GDF1: variants seen among roughly 807,000 people sequenced by gnomAD.
GDF1 encodes the protein embryonic growth/differentiation factor 1.
A neutral mutation model predicts 7.4 loss-of-function variants in GDF1; 8 were observed. The observed-to-expected ratio is 1.09, with a 90% CI of 0.64 to 1.96. GDF1 has a LOEUF of 1.96. GDF1 is among the 30% of genes most tolerant of loss of function. The probability of loss-of-function intolerance (pLI) is 0.00; values close to 1 mark genes in which losing one functional copy is unlikely to be tolerated. For missense variants in GDF1, 574 were observed against 551.5 expected (o/e 1.04, Z -0.41); for synonymous variants, 311 against 276.7 (o/e 1.12, Z -1.23).
chr19:18,893,422 A>G lies in GDF1; in HGVS notation c.-920T>C. 1.9e-6 allele frequency: 3 copies of G among 1,603,576 alleles called. No individual in the cohort carries two copies. The highest frequency in any genetic ancestry group is 2.6e-6 in the Non-Finnish European group (3 of 1,175,540). On this transcript the variant is annotated 5_prime_UTR_variant, in exon 2 of 8. Transcript: ENST00000247005. ...ATCCCCTCAGGGCCCCTACCGTAGAAGACAGATGGTGGGTCATGGAAGAAG... is the reference window on the plus strand; with the variant it reads ...ATCCCCTCAGGGCCCCTACCGTAGAGGACAGATGGTGGGTCATGGAAGAAG...
At chr19:18,873,152 T>C (rs919762771) in intron 6 of GDF1, among the ~76,000 whole-genome samples, 2 of 152,236 alleles carry the variant, frequency 1.3e-5, no homozygotes, top group Non-Finnish European at 2.9e-5. Flanking sequence ...TCAACACCGA[T>C]AGACTAGTGT....
At chr19:18,892,974 T>G (rs543994236) in intron 2 of GDF1, among the ~76,000 whole-genome samples, 8 of 152,072 alleles carry the variant, frequency 5.3e-5, no homozygotes, top group Non-Finnish European at 8.8e-5. Context: ...TGGAGTGCAG[T>G]GGCGCGAACT....
chr19:18,885,566 C>T (rs1311123658), intron 2 of GDF1, among the ~76,000 whole-genome samples: 6 of 144,992 alleles, frequency 4.1e-5, no homozygotes, highest in African/African-American at 1.3e-4. Context: ...GTAGCCCAGG[C>T]TGGAGTGCAG....
chr19:18,879,255 G>C lies in GDF1; in HGVS notation c.-437C>G. The C allele has an allele frequency of 6.2e-7, 1 of 1,613,664 alleles. No homozygotes were observed. The highest frequency in any genetic ancestry group is 8.5e-7 in the Non-Finnish European group (1 of 1,179,788). On this transcript the variant is annotated 5_prime_UTR_variant, in exon 5 of 8. Transcript: ENST00000247005. ...GGCCGACTCACCAGGAACCAGTAGA[G>C]GTTCATAAGGGTGAGCAGCAGCAGG...
In GDF1 at chr19:18,868,840, CA is replaced by C; in HGVS notation, c.875del (p.Leu292ArgfsTer93). On this transcript the variant is annotated frameshift_variant, in exon 8 of 8. Transcript: ENST00000247005. LOFTEE classifies it low-confidence loss of function (END_TRUNC). The stretch of plus-strand genomic sequence containing the variant: ...CGCACTGACCCTGGCAGTAGTTGGC[CA>C]GGAAGCCGCGCGGCGCGATGACCCA... ...HRWVIAPRGF[L>X]ANYCQGQCAL... is the part of the protein sequence containing the mutation. 6.9e-7 allele frequency: 1 copy of C among 1,452,012 alleles called. No individual in the cohort carries two copies. Among genetic ancestry groups the C allele is most frequent in the Non-Finnish European group, 9.1e-7 (1 of 1,093,660 alleles). 89.9% of individuals were successfully genotyped at this position (1,452,012 alleles called of 1,614,324 possible).
rs1342135129 is a variant in GDF1 at position 18,877,588 on chromosome 19, C to CA, written c.-313+1341dup. ...GCAACATGAGGAAACCCCAGCTCTA[C>CA]AAAAAATACAAAAGTTAGCACAGCA... On this transcript the variant is annotated intron_variant, in intron 6 of 7. Coordinates refer to ENST00000247005, the MANE Select transcript of GDF1 (RefSeq NM_001492.6). 2.0e-5 allele frequency among the ~76,000 whole-genome samples: 3 copies of CA among 152,070 alleles called. No individual in the cohort carries two copies. In the East Asian group the frequency reaches 5.8e-4, roughly 29 times the overall value.
At position 18,895,779 on chromosome 19, in the gene GDF1, C is replaced by A; in HGVS notation, c.-1074+45G>T. On this transcript the variant is annotated intron_variant, in intron 1 of 7. Transcript: ENST00000247005. This position sits in a 1 kb window ranked among gnomAD's most constrained non-coding sequence, Gnocchi z 6.4. ...GGCCCCAGGTCCCCGGTCCCGGCTTCCCCCAGTCCGGGGTCCCCTCGTCCC... is the reference window on the plus strand; with the variant it reads ...GGCCCCAGGTCCCCGGTCCCGGCTTACCCCAGTCCGGGGTCCCCTCGTCCC... 1 of 1,095,910 alleles carries A rather than the reference C, an allele frequency of 9.1e-7. No homozygotes were observed. The highest frequency in any genetic ancestry group is 4.1e-5 in the East Asian group (1 of 24,256). The allele number at this position is 1,095,910 out of a possible 1,614,324, so 67.9% of individuals were successfully genotyped here.
chr19:18,870,230 C>G lies in GDF1; in HGVS notation c.78G>C (p.Leu26=), dbSNP rs768421187. 5.8e-5 allele frequency: 90 copies of G among 1,550,098 alleles called. No homozygotes were observed. The highest frequency in any genetic ancestry group is 4.2e-4 in the Middle Eastern group (2 of 4,742). The part of the protein sequence containing the change: ...LLALLLPSLP[L]TRAPVPPGPA... ...GGCCTGGGGGCACGGGGGCGCGGGTCAGGGGCAGCGAGGGCAGCAGCAGGG... is the reference window on the plus strand; with the variant it reads ...GGCCTGGGGGCACGGGGGCGCGGGTGAGGGGCAGCGAGGGCAGCAGCAGGG... Residue 26 remains leucine (L), a synonymous_variant, in exon 7 of 8, where the codon CTG becomes CTC. Transcript: ENST00000247005. The surrounding 1 kb of genome is among the most constrained non-coding windows in gnomAD (Gnocchi z 5.1).
At chr19:18,882,865 G>A (rs926675298) in intron 3 of GDF1, among the ~76,000 whole-genome samples, 15 of 151,636 alleles carry the variant, frequency 9.9e-5, no homozygotes, top group Non-Finnish European at 2.2e-4. Context: ...GCTAATTTTT[G>A]TATTTTTAGT....
intron 3 of GDF1, among the ~76,000 whole-genome samples, chr19:18,881,030 T>G (rs1419446618): frequency 6.6e-6 from 1 of 151,622 alleles, no homozygotes; most frequent in Non-Finnish European, 1.5e-5. Flanking sequence ...CTCCTCATCT[T>G]GGTGACCTCT....
In GDF1 at chr19:18,879,076, G is replaced by T. The variant is rs199624421; in HGVS notation, c.-422-37C>A. ...GAGGGGAGGTGCCAGTGAGAAGAAA[G>T]CCCCCACGCCACTGCCCTGCTGACA... On this transcript the variant is annotated intron_variant, in intron 5 of 7. Coordinates refer to ENST00000247005, the MANE Select transcript of GDF1 (RefSeq NM_001492.6). 2.2e-4 allele frequency: 356 copies of T among 1,605,636 alleles called. 1 individual carries two copies. In the African/African-American group the frequency reaches 4.2e-3, roughly 19 times the overall value.
intron 3 of GDF1, 84 bp downstream of exon 3, chr19:18,884,003 C>T: frequency 7.0e-7 from 1 of 1,434,278 alleles, no homozygotes; most frequent in Non-Finnish European, 9.4e-7. Context: ...CCTCCACGGC[C>T]TCCTCTGTGC....
intron 2 of GDF1, among the ~76,000 whole-genome samples, chr19:18,892,873 C>T (rs2056526841): frequency 6.6e-6 from 1 of 152,112 alleles, no homozygotes; most frequent in African/African-American, 2.4e-5. Context: ...TCTGAGACAC[C>T]CATAGGAGCT....
chr19:18,891,593 C>T (rs1179345548), intron 2 of GDF1, among the ~76,000 whole-genome samples: 1 of 152,056 alleles, frequency 6.6e-6, no homozygotes, highest in Non-Finnish European at 1.5e-5. Flanking sequence ...CACCCCCAAC[C>T]CCCAGGCAGG....
In GDF1 at chr19:18,875,234, T is replaced by TA. The variant is rs869211539; in HGVS notation, c.-313+3695dup. On this transcript the variant is annotated intron_variant, in intron 6 of 7. Coordinates refer to ENST00000247005, the MANE Select transcript of GDF1 (RefSeq NM_001492.6). The stretch of plus-strand genomic sequence containing the variant: ...GTGGGCGACAGAGTGGGACCGTCTC[T>TA]AAAAAAAAAAAAAAAGAAAGAAAGA... 8.4e-3 allele frequency among the ~76,000 whole-genome samples: 1,031 copies of TA among 122,200 alleles called. 8 individuals are homozygous for TA. Among genetic ancestry groups the TA allele is most frequent in the Admixed American group, 0.039 (453 of 11,662 alleles). 80.2% of individuals were successfully genotyped at this position (122,200 alleles called of 152,430 possible). A position where few individuals can be genotyped will look rare whatever the true frequency, so the allele number is the denominator to read the frequency against.
At chr19:18,885,948 G>A (rs1291122112) in intron 2 of GDF1, among the ~76,000 whole-genome samples, 1 of 152,150 alleles carries the variant, frequency 6.6e-6, no homozygotes, top group Non-Finnish European at 1.5e-5. Context: ...ACCAAGCGCA[G>A]GGTCTCCCGC....
At position 18,879,326 on chromosome 19, in the gene GDF1, A is replaced by T; in HGVS notation, c.-508T>A. The stretch of plus-strand genomic sequence containing the variant: ...GAAGGGGATGTCAGGCACCGTGCGC[A>T]GACTGCAGTGACTGGTGGCATACAG... On this transcript the variant is annotated 5_prime_UTR_variant, in exon 5 of 8. Transcript: ENST00000247005. The T allele has an allele frequency of 6.2e-7, 1 of 1,608,578 alleles. No individual in the cohort carries two copies. The highest frequency in any genetic ancestry group is 8.5e-7 in the Non-Finnish European group (1 of 1,177,584).
chr19:18,871,464 C>T (rs1292889105), intron 6 of GDF1, among the ~76,000 whole-genome samples: 2 of 152,098 alleles, frequency 1.3e-5, no homozygotes, highest in African/African-American at 4.8e-5. Flanking sequence ...TCAGGTGATC[C>T]GCCCACCTTG....
rs1437624138 is a variant in GDF1, at chr19:18,886,109, C to A, written c.-913-1842G>T. On this transcript the variant is annotated intron_variant, in intron 2 of 7. Coordinates refer to ENST00000247005, the MANE Select transcript of GDF1 (RefSeq NM_001492.6). ...CCCAGAGGCTGCCAGACACCAAATT[C>A]AAGGGCTATGCTCTGGACGGGCACG... 4.7e-3 allele frequency among the ~76,000 whole-genome samples: 719 copies of A among 151,578 alleles called. 14 individuals are homozygous for A. Among genetic ancestry groups the A allele is most frequent in the African/African-American group, 0.017 (699 of 40,876 alleles).
Sources: allele counts gnomAD v4.1 joint callset (sites outside exome capture counted in the v4.1 genomes callset), GRCh38; gene constraint gnomAD v4.1.1; non-coding constraint Gnocchi (gnomAD v3.1); transcripts MANE v1.5; gene names NCBI Gene and HGNC (gene_info 2026-07-23, HGNC 2026-07-21).